The following LRMDA variants were observed in gnomAD, a reference collection of about 807,000 sequenced individuals.
LRMDA encodes leucine-rich melanocyte differentiation-associated protein.
Under a neutral mutation model 29.8 loss-of-function variants are expected in LRMDA, and 18 were observed. That is an observed-to-expected ratio of 0.60 (90% CI 0.42 to 0.90). LRMDA has a LOEUF of 0.90. Among genes scored for constraint, LRMDA ranks in the 40% least tolerant of loss-of-function variants. The pLI is 0.00. For missense variants in LRMDA, 273 were observed against 273.9 expected (o/e 1.00, Z 0.02); for synonymous variants, 125 against 109.4 (o/e 1.14, Z -0.89).
intron 2 of LRMDA, among the ~76,000 whole-genome samples, chr10:75,914,409 A>C (rs866934051): frequency 6.6e-6 from 1 of 152,256 alleles, no homozygotes; most frequent in Non-Finnish European, 1.5e-5. Context: ...TTCTGTCTAT[A>C]TGATTTGCAT....
chr10:76,056,369 C>G (rs1273352615), intron 4 of LRMDA, among the ~76,000 whole-genome samples: 1 of 152,236 alleles, frequency 6.6e-6, no homozygotes, highest in Non-Finnish European at 1.5e-5. Context: ...TAGCCCAGCC[C>G]CTATGCTTTA....
chr10:76,088,662 G>A (rs185746176), intron 5 of LRMDA, among the ~76,000 whole-genome samples: 3 of 152,252 alleles, frequency 2.0e-5, no homozygotes, highest in South Asian at 2.1e-4. Flanking sequence ...TGGGTTTGTT[G>A]TTGGTGGGTT....
At chr10:75,949,257 GT>G (rs1846532183) in intron 2 of LRMDA, among the ~76,000 whole-genome samples, 1 of 152,170 alleles carries the variant, frequency 6.6e-6, no homozygotes, top group African/African-American at 2.4e-5. Flanking sequence ...GTAGGGCATT[GT>G]TTTGTTAGGC....
intron 5 of LRMDA, among the ~76,000 whole-genome samples, chr10:76,140,132 G>A (rs946937994): frequency 1.6e-4 from 25 of 152,064 alleles, no homozygotes; most frequent in African/African-American, 5.3e-4. Flanking sequence ...TCTCTCTAGC[G>A]TAAGGATTAT....
chr10:75,868,871 C>T (rs1204549119), intron 2 of LRMDA, among the ~76,000 whole-genome samples: 3 of 152,184 alleles, frequency 2.0e-5, no homozygotes, highest in South Asian at 2.1e-4. Context: ...CATGCAGCTC[C>T]GTCCTGTGTG....
At chr10:76,480,493 C>G (rs890471374) in intron 6 of LRMDA, among the ~76,000 whole-genome samples, 2 of 151,880 alleles carry the variant, frequency 1.3e-5, no homozygotes, top group Non-Finnish European at 2.9e-5. Flanking sequence ...GATGTTGAAA[C>G]TGAGGTTAAG....
Position 75,612,324 on chromosome 10 carries a change from T to C in LRMDA, c.131+173830T>C, listed in dbSNP as rs185981856. Among the ~76,000 whole-genome samples the C allele has an allele frequency of 1.2e-4, 18 of 152,308 alleles. No homozygotes were observed. The East Asian group carries it at 3.5e-3, about 29-fold the overall frequency. ...CTCTTTTAATAAACTAGTGGCTGAATTGAAAGCAATCTAGGCAATAATGAA... is the reference window on the plus strand; with the variant it reads ...CTCTTTTAATAAACTAGTGGCTGAACTGAAAGCAATCTAGGCAATAATGAA... On this transcript the variant is annotated intron_variant, in intron 2 of 6. Coordinates refer to ENST00000611255, the MANE Select transcript of LRMDA (RefSeq NM_001305581.2).
At chr10:76,447,857 AT>A (rs1374241838) in intron 6 of LRMDA, among the ~76,000 whole-genome samples, 1 of 152,012 alleles carries the variant, frequency 6.6e-6, no homozygotes, top group Non-Finnish European at 1.5e-5. Context: ...TGGTTCCAGC[AT>A]TTTTTCCTTG....
chr10:75,879,488 G>A (rs1163975945), intron 2 of LRMDA, among the ~76,000 whole-genome samples: 1 of 152,204 alleles, frequency 6.6e-6, no homozygotes, highest in Non-Finnish European at 1.5e-5. Flanking sequence ...AACATGGTTT[G>A]TGCTGATGGA....
At chr10:76,449,015 T>C (rs983624438) in intron 6 of LRMDA, among the ~76,000 whole-genome samples, 18 of 151,968 alleles carry the variant, frequency 1.2e-4, no homozygotes, top group Non-Finnish European at 1.8e-4. Context: ...ATTTCTGACA[T>C]TATAATTTTA....
intron 2 of LRMDA, among the ~76,000 whole-genome samples, chr10:75,726,897 G>A (rs1354975009): frequency 2.0e-5 from 3 of 152,214 alleles, no homozygotes; most frequent in African/African-American, 7.2e-5. Flanking sequence ...TAGAGCTTGA[G>A]TTACTTTCAG....
At chr10:75,615,196 T>C (rs1236025362) in intron 2 of LRMDA, among the ~76,000 whole-genome samples, 2 of 152,216 alleles carry the variant, frequency 1.3e-5, no homozygotes, top group Admixed American at 6.5e-5. Flanking sequence ...TTATGTGTGA[T>C]ATCTGACTGC....
chr10:76,198,417 T>C (rs966584673), intron 5 of LRMDA, among the ~76,000 whole-genome samples: 47 of 152,344 alleles, frequency 3.1e-4, no homozygotes, highest in African/African-American at 1.1e-3. Context: ...AAAGGCTTTT[T>C]CCATTCCCTT....
At chr10:75,806,953 G>A (rs1048685093) in intron 2 of LRMDA, among the ~76,000 whole-genome samples, 11 of 151,930 alleles carry the variant, frequency 7.2e-5, no homozygotes, top group African/African-American at 2.4e-4. Flanking sequence ...GGTACTTCCC[G>A]CTGGCAGAGG....
At chr10:76,486,531 T>G (rs552937394) in intron 6 of LRMDA, among the ~76,000 whole-genome samples, 1 of 152,036 alleles carries the variant, frequency 6.6e-6, no homozygotes, top group South Asian at 2.1e-4. Flanking sequence ...GTCTCTTAGG[T>G]TTTTCCTACA....
In LRMDA at chr10:76,158,816, G is replaced by A. The variant is rs78381024; in HGVS notation, c.516+100033G>A. On this transcript the variant is annotated intron_variant, in intron 5 of 6. Transcript: ENST00000611255. Reference sequence around the variant, plus strand: ...TAGAAATTCTCATACATATGTATATGTCCTAAAGAAGCTTGGATATATTCA... The same window carrying A: ...TAGAAATTCTCATACATATGTATATATCCTAAAGAAGCTTGGATATATTCA... Among the ~76,000 whole-genome samples the A allele has an allele frequency of 1.2e-3, 185 of 152,186 alleles. 4 individuals carry two copies. The East Asian group carries it at 0.033, about 27-fold the overall frequency.
chr10:75,860,685 T>A (rs1173332707), intron 2 of LRMDA, among the ~76,000 whole-genome samples: 4 of 152,294 alleles, frequency 2.6e-5, no homozygotes, highest in African/African-American at 9.6e-5. Flanking sequence ...ATTTTATTAC[T>A]AACAAACATT....
At chr10:76,337,738 T>C (rs1405604731) in intron 6 of LRMDA, among the ~76,000 whole-genome samples, 20 of 152,118 alleles carry the variant, frequency 1.3e-4, no homozygotes, top group Admixed American at 1.2e-3. Context: ...CAGCACTAGA[T>C]TGCACGTGGT....
At chr10:76,059,722 G>GA (rs1290260663) in intron 5 of LRMDA, among the ~76,000 whole-genome samples, 1 of 152,190 alleles carries the variant, frequency 6.6e-6, no homozygotes, top group Non-Finnish European at 1.5e-5. Context: ...AGGGGGGAAA[G>GA]AAAAAACAAA....
Sources: gnomAD v4.1 joint callset for allele counts (sites outside exome capture counted in the v4.1 genomes callset) on GRCh38, gnomAD v4.1.1 for gene constraint, MANE v1.5 for transcripts, NCBI Gene and HGNC (gene_info 2026-07-23, HGNC 2026-07-21) for gene names.